The following GTF2F1 variants were observed in gnomAD, a reference collection of about 807,000 sequenced individuals.
GTF2F1 encodes the protein general transcription factor IIF subunit 1, also known as general transcription factor IIF 74 kDa subunit.
In GTF2F1, 39 loss-of-function variants were observed where a neutral mutation model predicts 63.5. That is an observed-to-expected ratio of 0.61 (90% CI 0.48 to 0.80). The LOEUF (loss-of-function observed/expected upper bound fraction) is 0.80. Ranked by LOEUF, GTF2F1 falls within the 30% of genes least tolerant of loss-of-function variation. The pLI is 0.00. For missense variants in GTF2F1, 657 were observed against 718.3 expected (o/e 0.91, Z 0.97); for synonymous variants, 287 against 285.3 (o/e 1.01, Z -0.06).
At chr19:6,392,780 A>C in intron 2 of GTF2F1, 77 bp downstream of exon 2, 1 of 1,432,432 alleles carries the variant, frequency 7.0e-7, no homozygotes, top group South Asian at 1.1e-5. Context: ...AGGGCCAGAA[A>C]TGGCTGGCTA....
chr19:6,391,787 G>C (rs2091999111), intron 3 of GTF2F1, 115 bp downstream of exon 3: 5 of 616,692 alleles, frequency 8.1e-6, no homozygotes, highest in Non-Finnish European at 1.5e-5. Context: ...TTGGAGAAAA[G>C]TGAGAAAATT....
At chr19:6,389,259 A>C (rs2091986396) in intron 4 of GTF2F1, among the ~76,000 whole-genome samples, 185 bp downstream of exon 4, 1 of 150,456 alleles carries the variant, frequency 6.6e-6, no homozygotes, top group Non-Finnish European at 1.5e-5. Flanking sequence ...TAAGTAAAAT[A>C]AGATAACATA....
chr19:6,392,837 A>T lies in GTF2F1; in HGVS notation c.59+20T>A. On this transcript the variant is annotated intron_variant, in intron 2 of 12. Transcript: ENST00000394456. ...TTTTTGGGGGGTGGAGAGGAGTGGG[A>T]GATGGGGCTGGGGACTTACTTAGGA... The T allele has an allele frequency of 6.2e-7, 1 of 1,608,962 alleles. No homozygotes were observed. Among genetic ancestry groups the T allele is most frequent in the South Asian group, 1.1e-5 (1 of 90,976 alleles).
chr19:6,393,019 CT>C lies in GTF2F1; in HGVS notation c.-25del. 1 of 1,613,520 alleles carries C rather than the reference CT, an allele frequency of 6.2e-7. No homozygotes were observed. The highest frequency in any genetic ancestry group is 1.1e-5 in the South Asian group (1 of 91,056). ...ATGGGCAATGGTCAGTGGTTCCGATCTGGTCCGACCCGGGTTCCTTTCGTCT... is the reference window on the plus strand; with the variant it reads ...ATGGGCAATGGTCAGTGGTTCCGATCGGTCCGACCCGGGTTCCTTTCGTCT... On this transcript the variant is annotated 5_prime_UTR_variant, in exon 1 of 13. Coordinates refer to ENST00000394456, the MANE Select transcript of GTF2F1 (RefSeq NM_002096.3).
intron 5 of GTF2F1, chr19:6,386,960 C>T (rs1364309127): frequency 5.6e-6 from 1 of 178,896 alleles, no homozygotes; most frequent in African/African-American, 2.4e-5. Context: ...CACAGTCACT[C>T]TGCACTGGCC....
intron 6 of GTF2F1, among the ~76,000 whole-genome samples, chr19:6,382,637 A>AC (rs1307756625): frequency 6.6e-6 from 1 of 151,470 alleles, no homozygotes; most frequent in East Asian, 1.9e-4. Context: ...TCTCCAAAAA[A>AC]AAAAAAAAAA....
chr19:6,383,625 T>A lies in GTF2F1; in HGVS notation c.498-130A>T. 1 of 918,736 alleles carries A rather than the reference T, an allele frequency of 1.1e-6. No homozygotes were observed. Among genetic ancestry groups the A allele is most frequent in the Non-Finnish European group, 1.7e-6 (1 of 605,034 alleles). 56.9% of individuals were successfully genotyped at this position (918,736 alleles called of 1,614,324 possible). A position where few individuals can be genotyped will look rare whatever the true frequency, so the allele number is the denominator to read the frequency against. On this transcript the variant is annotated intron_variant, in intron 5 of 12. Transcript: ENST00000394456. The surrounding 1 kb of genome is among the most constrained non-coding windows in gnomAD (Gnocchi z 4.5). ...ATGTGGCCCCCGGGGACTTGGGCTG[T>A]GGCACAGGACTCCCTGAAACCACAC... is the stretch of plus-strand genomic sequence containing the variant.
In GTF2F1 at chr19:6,383,435, G is replaced by T; in HGVS notation, c.558C>A (p.Asp186Glu). ...CCTTCTCCTCCTCATCCTCGTCCTGGTCCTGATCCTTGAGCCGCCGCTGCT... is the reference window on the plus strand; with the variant it reads ...CCTTCTCCTCCTCATCCTCGTCCTGTTCCTGATCCTTGAGCCGCCGCTGCT... ...IMQQRRLKDQ[D>E]QDEDEEEKEK... The change falls in exon 6 of 13, where the codon GAC (aspartate) becomes GAA (glutamate). Residue 186 changes from aspartate to glutamate, a missense_variant. Around this residue, in one of 2 missense-constraint regions of GTF2F1, gnomAD observed 602 missense variants for 625.6 expected, o/e 0.96. Coordinates refer to ENST00000394456, the MANE Select transcript of GTF2F1 (RefSeq NM_002096.3). The surrounding 1 kb of genome is among the most constrained non-coding windows in gnomAD (Gnocchi z 4.5). 6.2e-7 allele frequency: 1 copy of T among 1,614,174 alleles called. No individual in the cohort carries two copies. The highest frequency in any genetic ancestry group is 8.5e-7 in the Non-Finnish European group (1 of 1,180,034).
intron 5 of GTF2F1, 185 bp downstream of exon 5, chr19:6,387,204 C>T (rs1175369722): frequency 1.7e-6 from 1 of 584,756 alleles, no homozygotes; most frequent in Non-Finnish European, 3.0e-6. Context: ...CTCTGGGGTG[C>T]CCCATTGTGG....
In GTF2F1 at chr19:6,387,438, C is replaced by T; in HGVS notation, c.448G>A (p.Ala150Thr). Residue 150 changes from alanine (A) to threonine (T), a missense_variant, in exon 5 of 13, where the codon GCC (alanine) becomes ACC (threonine). Coordinates refer to ENST00000394456, the MANE Select transcript of GTF2F1 (RefSeq NM_002096.3). ...VHNWYNFTPL[A>T]RHRTLTAEEA... ...TCGGCAGTGAGCGTGCGATGCCGGG[C>T]CAGCGGTGTGAAATTGTACCAGTTG... 5 of 1,614,252 alleles carry T rather than the reference C, an allele frequency of 3.1e-6. No individual in the cohort carries two copies. The highest frequency in any genetic ancestry group is 2.2e-5 in the South Asian group (2 of 91,092).
intron 3 of GTF2F1, among the ~76,000 whole-genome samples, chr19:6,390,828 C>T (rs1052957109): frequency 6.6e-6 from 1 of 151,882 alleles, no homozygotes. Flanking sequence ...TGCAGTGAGC[C>T]CAGGTCGCGC....
chr19:6,387,078 C>A, intron 5 of GTF2F1: 1 of 342,886 alleles, frequency 2.9e-6, no homozygotes, highest in Non-Finnish European at 5.4e-6. Flanking sequence ...AGCTGCTGCC[C>A]TGCAGTGGAT....
Position 6,393,109 on chromosome 19 carries a change from G to A in GTF2F1, c.-114C>T. The A allele has an allele frequency of 4.3e-6, 6 of 1,392,850 alleles. No homozygotes were observed. Among genetic ancestry groups the A allele is most frequent in the Admixed American group, 1.8e-5 (1 of 56,158 alleles). The allele number at this position is 1,392,850 out of a possible 1,614,324, so 86.3% of individuals were successfully genotyped here. A position where few individuals can be genotyped will look rare whatever the true frequency, so the allele number is the denominator to read the frequency against. ...CGCTCGGTGTCGGGTCTCTGTGCCT[G>A]AGCGAGGACCCCAACCCTAGGCGCC... is the stretch of plus-strand genomic sequence containing the variant. On this transcript the variant is annotated 5_prime_UTR_variant, in exon 1 of 13. Transcript: ENST00000394456.
intron 5 of GTF2F1, among the ~76,000 whole-genome samples, chr19:6,385,247 T>C (rs2091969604): frequency 6.6e-6 from 1 of 151,392 alleles, no homozygotes; most frequent in Non-Finnish European, 1.5e-5. Flanking sequence ...GTACAAAAAT[T>C]AGCCAGGTGG....
intron 4 of GTF2F1, among the ~76,000 whole-genome samples, chr19:6,388,232 G>A (rs1450367533): frequency 1.3e-5 from 2 of 152,142 alleles, no homozygotes; most frequent in African/African-American, 4.8e-5. Context: ...GCCCAGCCAT[G>A]GCATGGCCAA....
rs142664489 is a variant in GTF2F1 at position 6,388,140 on chromosome 19, G to A, written c.327-581C>T. On this transcript the variant is annotated intron_variant, in intron 4 of 12. Transcript: ENST00000394456. ...AGACAGGGTTTCACCATGTTGGCCA[G>A]GCTAGTTTCGAACCCCTGACCCCAC... Among the ~76,000 whole-genome samples the A allele has an allele frequency of 6.9e-3, 928 of 134,730 alleles. 19 individuals are homozygous for A. The highest frequency in any genetic ancestry group is 0.021 in the African/African-American group (843 of 40,106). 88.4% of individuals were successfully genotyped at this position (134,730 alleles called of 152,430 possible). A position where few individuals can be genotyped will look rare whatever the true frequency, so the allele number is the denominator to read the frequency against.
In GTF2F1 at chr19:6,380,386, C is replaced by T; in HGVS notation, c.1449G>A (p.Gly483=). The part of the protein sequence containing the change: ...LLKKFQTKKT[G]LSSEQTVNVL... Reference sequence around the variant, plus strand: ...CGTTCACTGTCTGCTCGCTGCTCAGCCCTGTCTTCTTGGTCTGGAACTTTT... The same window carrying T: ...CGTTCACTGTCTGCTCGCTGCTCAGTCCTGTCTTCTTGGTCTGGAACTTTT... The change falls in exon 13 of 13, where the codon GGG becomes GGA. Residue 483 remains glycine (G), a synonymous_variant. Transcript: ENST00000394456. The surrounding 1 kb of genome is among the most constrained non-coding windows in gnomAD (Gnocchi z 5.3). 2 of 1,614,128 alleles carry T rather than the reference C, an allele frequency of 1.2e-6. No individual in the cohort carries two copies. Among genetic ancestry groups the T allele is most frequent in the South Asian group, 1.1e-5 (1 of 91,084 alleles).
At chr19:6,384,986 ATTGGCCAGGCTGGTCTC>A (rs1368489849) in intron 5 of GTF2F1, among the ~76,000 whole-genome samples, 9 of 151,674 alleles carry the variant, frequency 5.9e-5, no homozygotes, top group South Asian at 2.1e-4. Context: ...ATTTCACCAA[ATTGGCCAGGCTGGTCTC>A]TTGGCCAGGC....
At chr19:6,389,398 T>A in intron 4 of GTF2F1, 46 bp downstream of exon 4, 1 of 1,570,114 alleles carries the variant, frequency 6.4e-7, no homozygotes, top group Non-Finnish European at 8.7e-7. Context: ...GGCCTGGGGA[T>A]GTGGACTGGT....
Sources: allele counts gnomAD v4.1 joint callset (sites outside exome capture counted in the v4.1 genomes callset), GRCh38; gene constraint gnomAD v4.1.1; regional missense constraint gnomAD v4.1.1; non-coding constraint Gnocchi (gnomAD v3.1); transcripts MANE v1.5; gene names NCBI Gene and HGNC (gene_info 2026-07-23, HGNC 2026-07-21).